SEPSECS: variants seen among roughly 807,000 people sequenced by gnomAD.
SEPSECS encodes Sep (O-phosphoserine) tRNA:Sec (selenocysteine) tRNA synthase.
In SEPSECS, 42 loss-of-function variants were observed where a neutral mutation model predicts 52.1. That is an observed-to-expected ratio of 0.81 (90% CI 0.63 to 1.04). The LOEUF (loss-of-function observed/expected upper bound fraction) is 1.04, where lower values mean the gene tolerates loss of function less well. Among genes scored for constraint, SEPSECS ranks in the 50% least tolerant of loss-of-function variants. SEPSECS has a pLI of 0.00. For synonymous variants in SEPSECS, 216 were observed against 211.4 expected (o/e 1.02, Z -0.19); for missense variants, 590 against 610.6 (o/e 0.97, Z 0.36).
rs182275126 is a variant in SEPSECS at position 25,156,881 on chromosome 4, C to T, written c.363G>A (p.Leu121=). The T allele has an allele frequency of 6.4e-5, 102 of 1,605,754 alleles. 1 individual carries two copies. In the Admixed American group the frequency reaches 1.7e-3, roughly 27 times the overall value. ...SSLLNKITNS[L]VLDIIKLAGV... The stretch of plus-strand genomic sequence containing the variant: ...CAGCCAGCTTTATAATGTCCAGGAC[C>T]AAAGAATTGGTAATTTTGTTCAAAA... The change falls in exon 3 of 11, where the codon TTG becomes TTA. Residue 121 remains leucine (L), a synonymous_variant. Transcript: ENST00000382103.
At chr4:25,125,850 CAAT>C (rs762295600) in intron 9 of SEPSECS, 66 bp from the exon 10 acceptor site, 99 of 949,596 alleles carry the variant, frequency 1.0e-4, no homozygotes, top group Non-Finnish European at 1.5e-4. Context: ...CAAATAATAA[CAAT>C]AATAATGATG....
At chr4:25,160,213 C>G (rs1287760929) in intron 1 of SEPSECS, 43 bp downstream of exon 1, 1 of 1,547,128 alleles carries the variant, frequency 6.5e-7, no homozygotes, top group East Asian at 2.4e-5. Context: ...GAGCCAGAGC[C>G]CCGGGGTCGC....
intron 6 of SEPSECS, among the ~76,000 whole-genome samples, chr4:25,149,833 A>G (rs1311030120): frequency 6.6e-6 from 1 of 152,232 alleles, no homozygotes; most frequent in Non-Finnish European, 1.5e-5. Context: ...CTAGTCTACA[A>G]TAAGTGAAGA....
Position 25,125,925 on chromosome 4 carries a change from C to A in SEPSECS, c.1121-141G>T. 6 of 676,756 alleles carry A rather than the reference C, an allele frequency of 8.9e-6. No individual in the cohort carries two copies. The South Asian group carries it at 9.8e-5, about 11-fold the overall frequency. The allele number at this position is 676,756 out of a possible 1,614,324, so 41.9% of individuals were successfully genotyped here. On this transcript the variant is annotated intron_variant, in intron 9 of 10. Coordinates refer to ENST00000382103, the MANE Select transcript of SEPSECS (RefSeq NM_016955.4). ...TTTCACTTTAATGTACTTAATAAAT[C>A]TTAGGGATTTGTTTATATATCAGAC...
intron 6 of SEPSECS, among the ~76,000 whole-genome samples, chr4:25,149,276 G>A (rs1201367430): frequency 6.6e-6 from 1 of 151,894 alleles, no homozygotes; most frequent in African/African-American, 2.4e-5. Context: ...TTGTTGCCCA[G>A]GGAGGTCTCA....
chr4:25,151,036 G>C (rs931971208), intron 6 of SEPSECS, among the ~76,000 whole-genome samples: 1 of 152,096 alleles, frequency 6.6e-6, no homozygotes, highest in Non-Finnish European at 1.5e-5. Flanking sequence ...GGAGGTGTTA[G>C]ATAGGGTTTG....
Position 25,124,086 on chromosome 4 carries a change from T to C in SEPSECS, c.1351A>G (p.Ile451Val), listed in dbSNP as rs764436131. ...TTTAAACACCTGTCAAGTCTCTTTA[T>C]GAACAGGTCCACATCCTGCATCTTC... ...GMKMQDVDLFIKRLDRCLKAV... is the reference protein window; with the variant it reads ...GMKMQDVDLFVKRLDRCLKAV... The change falls in exon 11 of 11, where the codon ATA (isoleucine) becomes GTA (valine). Residue 451 changes from isoleucine to valine, a missense_variant. Coordinates refer to ENST00000382103, the MANE Select transcript of SEPSECS (RefSeq NM_016955.4). 58 of 1,613,794 alleles carry C rather than the reference T, an allele frequency of 3.6e-5. No homozygotes were observed. Among genetic ancestry groups the C allele is most frequent in the Admixed American group, 5.0e-5 (3 of 59,988 alleles).
In SEPSECS at chr4:25,123,657, T is replaced by C; in HGVS notation, c.*274A>G. 1 of 441,470 alleles carries C rather than the reference T, an allele frequency of 2.3e-6. No individual in the cohort carries two copies. The highest frequency in any genetic ancestry group is 4.1e-6 in the Non-Finnish European group (1 of 241,866). 27.3% of individuals were successfully genotyped at this position (441,470 alleles called of 1,614,324 possible). ...TTACTGTCATTACACTAGTAAAAAT[T>C]ATCTGAGTCATGATGCTTAATTGAC... On this transcript the variant is annotated 3_prime_UTR_variant, in exon 11 of 11. Transcript: ENST00000382103.
chr4:25,149,790 C>T (rs1205683083), intron 6 of SEPSECS, among the ~76,000 whole-genome samples: 1 of 152,040 alleles, frequency 6.6e-6, no homozygotes, highest in African/African-American at 2.4e-5. Flanking sequence ...AATTGTACAC[C>T]CTTCCTCTAT....
intron 8 of SEPSECS, among the ~76,000 whole-genome samples, chr4:25,133,115 A>AT (rs1728677939): frequency 6.6e-6 from 1 of 152,028 alleles, no homozygotes; most frequent in Admixed American, 6.6e-5. Context: ...CCACCCACCT[A>AT]TTTTTCCCCT....
chr4:25,156,114 T>C lies in SEPSECS; in HGVS notation c.470A>G (p.His157Arg), dbSNP rs982868741. The C allele has an allele frequency of 6.2e-7, 1 of 1,614,002 alleles. No homozygotes were observed. The highest frequency in any genetic ancestry group is 8.5e-7 in the Non-Finnish European group (1 of 1,179,906). ...AATATACTTTGCCTTTGGTCTTTTG[T>C]GTCGTAATGTTAAGAAACACAGAGT... ...SLTLCFLTLR[H>R]KRPKAKYIIW... Residue 157 changes from histidine to arginine, a missense_variant, in exon 4 of 11, where the codon CAC becomes CGC. By Grantham distance (29) the His-to-Arg change is conservative (BLOSUM62 0). Coordinates refer to ENST00000382103, the MANE Select transcript of SEPSECS (RefSeq NM_016955.4).
intron 8 of SEPSECS, among the ~76,000 whole-genome samples, chr4:25,136,433 C>CATGA (rs988643400): frequency 1.5e-4 from 22 of 151,204 alleles, no homozygotes; most frequent in African/African-American, 5.3e-4. Flanking sequence ...CCAAATCATT[C>CATGA]ATGATTTGGC....
chr4:25,144,691 G>T, intron 8 of SEPSECS, 83 bp downstream of exon 8: 1 of 1,011,312 alleles, frequency 9.9e-7, no homozygotes, highest in South Asian at 1.3e-5. Context: ...CCCAGTGCAA[G>T]AAACCAACAG....
intron 8 of SEPSECS, among the ~76,000 whole-genome samples, chr4:25,144,071 T>C (rs1268818992): frequency 6.6e-6 from 1 of 152,176 alleles, no homozygotes; most frequent in East Asian, 1.9e-4. Context: ...CCAGGCGTGG[T>C]GGGTAACGTC....
chr4:25,159,399 C>T, intron 1 of SEPSECS: 1 of 385,382 alleles, frequency 2.6e-6, no homozygotes, highest in Non-Finnish European at 4.7e-6. Flanking sequence ...AACACATCCC[C>T]AGTGAAGATG....
chr4:25,151,902 C>CTA, intron 6 of SEPSECS, 58 bp downstream of exon 6: 1 of 927,260 alleles, frequency 1.1e-6, no homozygotes, highest in Non-Finnish European at 1.8e-6. Context: ...AGTAATAATC[C>CTA]TATAATATGT....
Position 25,156,707 on chromosome 4 carries a change from C to CAA in SEPSECS, c.388+147_388+148dup, listed in dbSNP as rs34542574. The CAA allele has an allele frequency of 0.059, 13,425 of 225,686 alleles. 422 individuals carry two copies. The highest frequency in any genetic ancestry group is 0.064 in the Non-Finnish European group (8,026 of 126,312). The allele number at this position is 225,686 out of a possible 1,614,324, so 14.0% of individuals were successfully genotyped here. A position where few individuals can be genotyped will look rare whatever the true frequency, so the allele number is the denominator to read the frequency against. On this transcript the variant is annotated intron_variant, in intron 3 of 10. Transcript: ENST00000382103. ...TGGGCAACAGAGCTAGACTCCGTCT[C>CAA]AAAAAAAAAAAAAAAAAAAAAAAAA...
At chr4:25,158,446 CAAAAGA>C (rs1227089250) in intron 2 of SEPSECS, among the ~76,000 whole-genome samples, 4 of 152,006 alleles carry the variant, frequency 2.6e-5, no homozygotes, top group African/African-American at 7.2e-5. Flanking sequence ...TGCAATAATG[CAAAAGA>C]AAAAGGTCAC....
At chr4:25,155,908 T>C (rs1712594980) in intron 4 of SEPSECS, 129 bp downstream of exon 4, 2 of 820,756 alleles carry the variant, frequency 2.4e-6, no homozygotes, top group Non-Finnish European at 3.8e-6. Flanking sequence ...ACATATATTT[T>C]ACAATTTTTT....
Sources: allele counts gnomAD v4.1 joint callset (sites outside exome capture counted in the v4.1 genomes callset), GRCh38; gene constraint gnomAD v4.1.1; transcripts MANE v1.5; gene names NCBI Gene and HGNC (gene_info 2026-07-23, HGNC 2026-07-21).